Variants in H2BC18 observed in about 807,000 individuals in gnomAD.
The protein encoded by H2BC18 is H2B clustered histone 18.
In H2BC18, 8 loss-of-function variants were observed where a neutral mutation model predicts 6.3. The ratio of observed to expected loss-of-function variants is 1.28; its 90% CI spans 0.75 to 2.31. The LOEUF (loss-of-function observed/expected upper bound fraction) is 2.31. Ranked by LOEUF, H2BC18 falls within the 30% of genes most tolerant of loss-of-function variation. H2BC18 has a pLI of 0.00. For missense variants in H2BC18, 106 were observed against 174.5 expected, an observed-to-expected ratio of 0.61 and a Z score of 2.21; for synonymous variants, 104 against 78.1, an observed-to-expected ratio of 1.33 and a Z score of -1.75.
chr1:149,787,526 G>A (rs1274208084), intron 1 of H2BC18: 1 of 152,436 alleles, frequency 6.6e-6, no homozygotes, highest in Non-Finnish European at 1.5e-5. Flanking sequence ...CCTTCTGTGT[G>A]TTTGTCTTAG....
At chr1:149,809,863 T>G (rs1417816775), downstream of H2BC18, among the ~76,000 whole-genome samples, 9 of 150,626 alleles carry the variant, frequency 6.0e-5, no homozygotes, top group Non-Finnish European at 8.9e-5. Flanking sequence ...GACTGAGTAC[T>G]AAAACTCAGA....
At position 149,792,663 on chromosome 1, in the gene H2BC18, C is replaced by T. The variant is rs587707537; in HGVS notation, c.378-9403G>A. ...GCAGCCTCCGCCTGTATCTGGGGGC[C>T]GCAGCCGCCAGCGCCCGGGGACCCA... On this transcript the variant is annotated intron_variant, in intron 1 of 1. Transcript: ENST00000545683. 16 of 1,277,586 alleles carry T rather than the reference C, an allele frequency of 1.3e-5. 1 individual carries two copies. The African/African-American group carries it at 2.3e-4, about 19-fold the overall frequency. 79.1% of individuals were successfully genotyped at this position (1,277,586 alleles called of 1,614,324 possible). A position where few individuals can be genotyped will look rare whatever the true frequency, so the allele number is the denominator to read the frequency against.
chr1:149,788,594 C>T (rs782081012), intron 1 of H2BC18: 8 of 1,613,868 alleles, frequency 5.0e-6, no homozygotes, highest in Non-Finnish European at 1.7e-6. Context: ...TACACATCAG[C>T]AGGAATATCT....
intron 1 of H2BC18, among the ~76,000 whole-genome samples, chr1:149,804,935 G>A (rs2091904292): frequency 1.3e-5 from 2 of 151,672 alleles, no homozygotes; most frequent in African/African-American, 4.8e-5. Flanking sequence ...AAGGTGGTAA[G>A]AGCCAGAATA....
At chr1:149,794,312 C>G (rs1476334072) in intron 1 of H2BC18, among the ~76,000 whole-genome samples, 1 of 151,780 alleles carries the variant, frequency 6.6e-6, no homozygotes, top group Non-Finnish European at 1.5e-5. Flanking sequence ...ATAAATATTC[C>G]ATTGACAGAA....
At chr1:149,800,433 T>C (rs1553753192) in intron 1 of H2BC18, among the ~76,000 whole-genome samples, 1 of 148,254 alleles carries the variant, frequency 6.7e-6, no homozygotes, top group Admixed American at 6.8e-5. Context: ...CCCAACTCTC[T>C]AATCCTCCCC....
intron 1 of H2BC18, among the ~76,000 whole-genome samples, chr1:149,805,737 T>C (rs1164707959): frequency 1.3e-5 from 2 of 152,040 alleles, no homozygotes; most frequent in African/African-American, 4.8e-5. Flanking sequence ...TTCTACATAA[T>C]AGGGATAGAG....
chr1:149,811,488 G>A (rs1307496168), downstream of H2BC18: 1 of 185,776 alleles, frequency 5.4e-6, no homozygotes, highest in Non-Finnish European at 1.2e-5. Flanking sequence ...AAGGAAAACA[G>A]ATTAAAACAC....
At chr1:149,784,208 G>C (rs781924551) in intron 1 of H2BC18, 1 of 1,611,380 alleles carries the variant, frequency 6.2e-7, no homozygotes, top group Non-Finnish European at 8.5e-7. Context: ...ACAGGTGCCA[G>C]AGAGGTCTCT....
At chr1:149,811,630 A>G, downstream of H2BC18, 3 of 446,362 alleles carry the variant, frequency 6.7e-6, no homozygotes, top group South Asian at 7.8e-5. Flanking sequence ...GTGTAGAACC[A>G]CCCCCCGCCT....
At chr1:149,784,225 G>A (rs1161084692) in intron 1 of H2BC18, 6 of 1,611,028 alleles carry the variant, frequency 3.7e-6, no homozygotes, top group Admixed American at 1.7e-5. Context: ...CTCTCAGGGC[G>A]AAGTGACCCC....
At chr1:149,811,492 A>G (rs1231607488), downstream of H2BC18, 1 of 185,864 alleles carries the variant, frequency 5.4e-6, no homozygotes, top group Non-Finnish European at 1.2e-5. Context: ...AAAACAGATT[A>G]AAACACTAAG....
chr1:149,803,451 C>T (rs1331026437), intron 1 of H2BC18, among the ~76,000 whole-genome samples: 1 of 152,170 alleles, frequency 6.6e-6, no homozygotes, highest in Non-Finnish European at 1.5e-5. Context: ...CGTCACTAAT[C>T]TATATCCTTC....
At chr1:149,811,806 A>G (rs2091977968), downstream of H2BC18, 3 of 726,198 alleles carry the variant, frequency 4.1e-6, no homozygotes, top group Admixed American at 5.7e-5. Flanking sequence ...ATCCGTGACC[A>G]TGGTAACACT....
intron 1 of H2BC18, among the ~76,000 whole-genome samples, chr1:149,804,405 A>G (rs1416376): frequency 1.3e-5 from 2 of 152,138 alleles, no homozygotes; most frequent in African/African-American, 2.4e-5. Flanking sequence ...AAGGTTCTAC[A>G]TAACAAAGGT....
chr1:149,794,315 T>G (rs1258630373), intron 1 of H2BC18, among the ~76,000 whole-genome samples: 2 of 151,758 alleles, frequency 1.3e-5, no homozygotes, highest in Non-Finnish European at 2.9e-5. Context: ...AATATTCCAT[T>G]GACAGAATTG....
downstream of H2BC18, among the ~76,000 whole-genome samples, chr1:149,810,232 C>T (rs1400775061): frequency 2.0e-5 from 3 of 151,850 alleles, no homozygotes; most frequent in Admixed American, 6.6e-5. Context: ...CCACCTCGGC[C>T]GTCTCACTTA....
chr1:149,790,724 C>G (rs1159163953), intron 1 of H2BC18, among the ~76,000 whole-genome samples: 1 of 149,214 alleles, frequency 6.7e-6, no homozygotes, highest in Non-Finnish European at 1.5e-5. Flanking sequence ...ATCTCACCAA[C>G]AATTTATCAA....
chr1:149,788,743 C>T, intron 1 of H2BC18: 1 of 1,047,026 alleles, frequency 9.6e-7, no homozygotes, highest in Non-Finnish European at 1.4e-6. Context: ...AACTGCATTA[C>T]TAAAGGCCAC....
Sources: allele counts gnomAD v4.1 joint callset (sites outside exome capture counted in the v4.1 genomes callset), GRCh38; gene constraint gnomAD v4.1.1; transcripts MANE v1.5; gene names NCBI Gene and HGNC (gene_info 2026-07-23, HGNC 2026-07-21).